Variants in NCKAP5 observed in about 807,000 individuals in gnomAD.
The protein encoded by NCKAP5 is NCK associated protein 5, also known as nck-associated protein 5.
In NCKAP5, 92 loss-of-function variants were observed where a neutral mutation model predicts 167.0. That is an observed-to-expected ratio of 0.55 (90% confidence interval 0.47 to 0.66). The LOEUF is 0.66. Ranked by LOEUF, NCKAP5 falls within the 30% of genes least tolerant of loss-of-function variation. NCKAP5 has a pLI of 0.00. For synonymous variants in NCKAP5, 891 were observed against 877.4 expected (o/e 1.02, Z -0.27); for missense variants, 2,378 against 2,315.0 (o/e 1.03, Z -0.56).
intron 6 of NCKAP5, among the ~76,000 whole-genome samples, chr2:133,127,139 A>G (rs1314936890): frequency 1.3e-5 from 2 of 152,210 alleles, no homozygotes; most frequent in Non-Finnish European, 2.9e-5. Context: ...AGATGACCAT[A>G]TTGGATGCTA....
At chr2:133,264,377 A>G (rs1443627104) in intron 4 of NCKAP5, among the ~76,000 whole-genome samples, 1 of 152,210 alleles carries the variant, frequency 6.6e-6, no homozygotes, top group African/African-American at 2.4e-5. Flanking sequence ...TGTAAACTGT[A>G]AAGTCCTAGT....
chr2:132,717,026 C>G (rs1022005847), intron 19 of NCKAP5, among the ~76,000 whole-genome samples: 1 of 152,152 alleles, frequency 6.6e-6, no homozygotes, highest in Admixed American at 6.5e-5. Flanking sequence ...ACCCAATGTG[C>G]ATAGCTAAAA....
At chr2:132,901,957 T>C (rs1159852031) in intron 8 of NCKAP5, among the ~76,000 whole-genome samples, 1 of 152,234 alleles carries the variant, frequency 6.6e-6, no homozygotes, top group Non-Finnish European at 1.5e-5. Flanking sequence ...CATTTTGCTT[T>C]TGAAAACCAA....
intron 8 of NCKAP5, among the ~76,000 whole-genome samples, chr2:132,913,509 C>T (rs1286451111): frequency 6.6e-6 from 1 of 152,076 alleles, no homozygotes; most frequent in Non-Finnish European, 1.5e-5. Flanking sequence ...TAGAATATGC[C>T]TGCTACCTAG....
intron 10 of NCKAP5, among the ~76,000 whole-genome samples, chr2:132,860,893 C>G (rs1465145212): frequency 6.6e-6 from 1 of 152,130 alleles, no homozygotes. Context: ...GATATGAAGT[C>G]AATTTAAGTT....
intron 19 of NCKAP5, 48 bp from the exon 20 acceptor site, chr2:132,673,353 C>A: frequency 1.5e-6 from 2 of 1,340,304 alleles, no homozygotes; most frequent in South Asian, 2.8e-5. Context: ...TTTGGAAAAT[C>A]AAGTTATCCT....
the NCKAP5 span, among the ~76,000 whole-genome samples, chr2:133,585,016 A>G: frequency 6.7e-6 from 1 of 148,198 alleles, no homozygotes; most frequent in Non-Finnish European, 1.5e-5. Context: ...GAGAGAAAAG[A>G]AAAGAAAAGA....
At chr2:133,290,188 T>C (rs1164427965) in intron 4 of NCKAP5, among the ~76,000 whole-genome samples, 1 of 152,220 alleles carries the variant, frequency 6.6e-6, no homozygotes, top group Non-Finnish European at 1.5e-5. Flanking sequence ...CTGATTATGT[T>C]TGTAAAAGTA....
At chr2:133,400,289 C>A (rs566369532) in intron 3 of NCKAP5, among the ~76,000 whole-genome samples, 3 of 151,994 alleles carry the variant, frequency 2.0e-5, no homozygotes, top group Admixed American at 1.3e-4. Flanking sequence ...TACCCGCTGC[C>A]CCCCTAAAAA....
In NCKAP5 at chr2:133,487,775, C is replaced by T. The variant is rs188997833; in HGVS notation, c.69+29683G>A. 8.3e-4 allele frequency among the ~76,000 whole-genome samples: 126 copies of T among 152,200 alleles called. 1 individual carries two copies. The highest frequency in any genetic ancestry group is 2.2e-3 in the Admixed American group (34 of 15,286). On this transcript the variant is annotated intron_variant, in intron 3 of 19. Transcript: ENST00000409261. ...GATGGTGAGAAAGTGGTCTTACCCA[C>T]CCCAGGCTACAGCAGTAGCACCCAG...
intron 11 of NCKAP5, among the ~76,000 whole-genome samples, chr2:132,848,644 G>A (rs1300760133): frequency 6.6e-6 from 1 of 152,102 alleles, no homozygotes; most frequent in Non-Finnish European, 1.5e-5. Context: ...TTAGCTATTT[G>A]GGAGGGAAAA....
intron 8 of NCKAP5, among the ~76,000 whole-genome samples, chr2:132,945,545 G>A (rs566002454): frequency 6.6e-6 from 1 of 152,154 alleles, no homozygotes; most frequent in East Asian, 1.9e-4. Flanking sequence ...AGCTGGATGC[G>A]TGATAAGACA....
At chr2:133,357,554 A>C (rs1468319906) in intron 3 of NCKAP5, among the ~76,000 whole-genome samples, 1 of 152,190 alleles carries the variant, frequency 6.6e-6, no homozygotes, top group African/African-American at 2.4e-5. Flanking sequence ...TAATGAATCT[A>C]TGTAAAGATC....
the NCKAP5 span, among the ~76,000 whole-genome samples, chr2:133,578,924 A>G: frequency 6.6e-6 from 1 of 152,216 alleles, no homozygotes; most frequent in East Asian, 1.9e-4. Flanking sequence ...GAGCCACACA[A>G]TGAGCTCTGG....
intron 3 of NCKAP5, among the ~76,000 whole-genome samples, chr2:133,435,847 C>T (rs1245907033): frequency 1.3e-5 from 2 of 152,128 alleles, no homozygotes; most frequent in African/African-American, 2.4e-5. Context: ...ACTTCCATGT[C>T]GGGGTTCCTT....
rs538624218 is a variant in NCKAP5, at chr2:133,296,915, C to T, written c.143+6122G>A. Among the ~76,000 whole-genome samples the T allele has an allele frequency of 1.2e-4, 18 of 152,188 alleles. 2 individuals carry two copies. The South Asian group carries it at 3.7e-3, about 32-fold the overall frequency. ...ATTCATAAATTCAATTTGTATATTC[C>T]ACCTGTTTATTCTAAACTCTTAATA... On this transcript the variant is annotated intron_variant, in intron 4 of 19. Coordinates refer to ENST00000409261, the MANE Select transcript of NCKAP5 (RefSeq NM_207363.3).
intron 8 of NCKAP5, among the ~76,000 whole-genome samples, chr2:132,892,708 T>A (rs1200186741): frequency 2.6e-5 from 4 of 152,146 alleles, no homozygotes; most frequent in Non-Finnish European, 1.5e-5. Flanking sequence ...CCCCAAACTC[T>A]GAGGTAGATA....
chr2:132,719,429 C>A (rs966940957), intron 19 of NCKAP5, among the ~76,000 whole-genome samples: 22 of 152,166 alleles, frequency 1.4e-4, no homozygotes, highest in Non-Finnish European at 5.9e-5. Flanking sequence ...AGACAAAAAG[C>A]TGAACATATT....
At chr2:132,781,031 C>A (rs1682984547) in intron 15 of NCKAP5, 21 bp downstream of exon 15, 1 of 1,609,642 alleles carries the variant, frequency 6.2e-7, no homozygotes, top group Non-Finnish European at 8.5e-7. Flanking sequence ...GCACTTGATA[C>A]CAGGATGGTG....
Sources: allele counts gnomAD v4.1 joint callset (sites outside exome capture counted in the v4.1 genomes callset), GRCh38; gene constraint gnomAD v4.1.1; transcripts MANE v1.5; gene names NCBI Gene and HGNC (gene_info 2026-07-23, HGNC 2026-07-21).